The following RHBDD1 variants were observed in gnomAD, a reference collection of about 807,000 sequenced individuals.
RHBDD1 encodes the protein rhomboid domain containing 1, also known as rhomboid-related protein 4.
RHBDD1 carries 38 observed loss-of-function variants against 36.3 expected under a neutral mutation model. The ratio of observed to expected loss-of-function variants is 1.05; its 90% confidence interval spans 0.81 to 1.37. RHBDD1 has a LOEUF of 1.37. Among genes scored for constraint, RHBDD1 ranks in the 40% most tolerant of loss-of-function variants. The pLI is 0.00. For synonymous variants in RHBDD1, 151 were observed against 136.5 expected (o/e 1.11, Z -0.74); for missense variants, 393 against 377.6 (o/e 1.04, Z -0.34).
intron 5 of RHBDD1, among the ~76,000 whole-genome samples, chr2:226,868,706 C>T (rs956357568): frequency 3.9e-5 from 6 of 152,248 alleles, no homozygotes; most frequent in African/African-American, 7.2e-5. Flanking sequence ...TGTGTCAGCC[C>T]GGTAACTCCA....
At chr2:226,992,659 C>T (rs1958504647) in intron 8 of RHBDD1, among the ~76,000 whole-genome samples, 1 of 152,174 alleles carries the variant, frequency 6.6e-6, no homozygotes, top group Non-Finnish European at 1.5e-5. Flanking sequence ...TAGACTGGAA[C>T]TTCTTATTTT....
At chr2:226,908,757 A>G (rs1187449750) in intron 6 of RHBDD1, 65 bp from the exon 7 acceptor site, 2 of 1,066,276 alleles carry the variant, frequency 1.9e-6, no homozygotes, top group Non-Finnish European at 2.9e-6. Context: ...CTTTCTAATT[A>G]CTGGAACAAT....
At chr2:226,964,561 C>T (rs905892260) in intron 8 of RHBDD1, among the ~76,000 whole-genome samples, 3 of 152,174 alleles carry the variant, frequency 2.0e-5, no homozygotes, top group Admixed American at 2.0e-4. Context: ...TATTTATATG[C>T]TGGCAACTTC....
intron 8 of RHBDD1, among the ~76,000 whole-genome samples, chr2:226,922,585 T>G (rs933173468): frequency 6.6e-6 from 1 of 152,124 alleles, no homozygotes; most frequent in Non-Finnish European, 1.5e-5. Flanking sequence ...ATTCATTCTA[T>G]TCTGTGTCAT....
intron 8 of RHBDD1, among the ~76,000 whole-genome samples, chr2:226,935,729 G>A (rs571692355): frequency 6.2e-4 from 94 of 152,122 alleles, no homozygotes; most frequent in African/African-American, 2.2e-3. Flanking sequence ...AAAAGAGATG[G>A]GAGTTTTGGG....
At chr2:226,899,866 A>G (rs1947442927) in intron 5 of RHBDD1, among the ~76,000 whole-genome samples, 2 of 152,254 alleles carry the variant, frequency 1.3e-5, no homozygotes, top group African/African-American at 2.4e-5. Flanking sequence ...TTGCACCATT[A>G]CAGAAGCAAT....
intron 8 of RHBDD1, among the ~76,000 whole-genome samples, chr2:226,958,142 G>C (rs1469180925): frequency 2.0e-5 from 3 of 152,152 alleles, no homozygotes; most frequent in African/African-American, 7.2e-5. Flanking sequence ...CCCAAATGCT[G>C]ATCAAATTGA....
intron 8 of RHBDD1, among the ~76,000 whole-genome samples, chr2:226,971,688 C>A (rs1051584531): frequency 6.6e-6 from 1 of 152,150 alleles, no homozygotes; most frequent in Non-Finnish European, 1.5e-5. Context: ...TTGACAAAAT[C>A]AGAGAGGTGT....
Position 226,856,660 on chromosome 2 carries a change from C to T in RHBDD1, c.-90-7944C>T, listed in dbSNP as rs1262363456. Among the ~76,000 whole-genome samples, 3 of 151,990 alleles carry T rather than the reference C, an allele frequency of 2.0e-5. No individual in the cohort carries two copies. In the East Asian group the frequency reaches 5.8e-4, roughly 29 times the overall value. ...TCAGTTTATTCCTAGAGAAAGATGA[C>T]TATAATGAAACAAAATAAGAGAGAA... On this transcript the variant is annotated intron_variant, in intron 3 of 8. Coordinates refer to ENST00000392062, the MANE Select transcript of RHBDD1 (RefSeq NM_001167608.3).
intron 8 of RHBDD1, among the ~76,000 whole-genome samples, chr2:226,965,040 A>G (rs1053780182): frequency 6.6e-6 from 1 of 152,224 alleles, no homozygotes; most frequent in Non-Finnish European, 1.5e-5. Flanking sequence ...TCTGAAAGAT[A>G]TGACCACCCA....
chr2:226,900,517 A>G (rs1228913658), intron 5 of RHBDD1, among the ~76,000 whole-genome samples: 1 of 152,130 alleles, frequency 6.6e-6, no homozygotes, highest in Non-Finnish European at 1.5e-5. Flanking sequence ...AACAGAAGAA[A>G]TAAAGCTTTT....
chr2:226,885,795 G>A (rs752783858), intron 5 of RHBDD1, among the ~76,000 whole-genome samples: 2 of 152,132 alleles, frequency 1.3e-5, no homozygotes, highest in African/African-American at 2.4e-5. Flanking sequence ...CCTGTTATCT[G>A]CAGGAGATAC....
the RHBDD1 span, among the ~76,000 whole-genome samples, chr2:226,810,540 CA>C: frequency 0.038 from 1,277 of 33,810 alleles, 4 homozygotes; most frequent in African/African-American, 0.065. Flanking sequence ...GACTCCGTCT[CA>C]AAAAAAAAAA....
chr2:226,966,507 G>A (rs1952642758), intron 8 of RHBDD1, among the ~76,000 whole-genome samples: 1 of 152,218 alleles, frequency 6.6e-6, no homozygotes. Context: ...ATGGATAGTA[G>A]GAGGTGAGGA....
intron 4 of RHBDD1, among the ~76,000 whole-genome samples, chr2:226,865,919 C>T (rs1944286915): frequency 2.0e-5 from 3 of 152,162 alleles, no homozygotes; most frequent in Admixed American, 2.0e-4. Flanking sequence ...TCCTGCGATG[C>T]CTCTGGATGA....
chr2:226,837,307 G>C (rs1356595135), intron 1 of RHBDD1, among the ~76,000 whole-genome samples: 2 of 152,204 alleles, frequency 1.3e-5, no homozygotes, highest in African/African-American at 4.8e-5. Flanking sequence ...GTGCTGGAAG[G>C]ATTCTTCAGC....
chr2:226,835,155 C>G (rs1185302884), upstream of RHBDD1, among the ~76,000 whole-genome samples: 1 of 152,230 alleles, frequency 6.6e-6, no homozygotes, highest in African/African-American at 2.4e-5. Context: ...AAGCGATCCT[C>G]CTGCCTCGAC....
At chr2:226,954,988 C>T (rs1297324142) in intron 8 of RHBDD1, among the ~76,000 whole-genome samples, 9 of 151,676 alleles carry the variant, frequency 5.9e-5, no homozygotes, top group South Asian at 4.2e-4. Flanking sequence ...CCTACAGTAT[C>T]GAGGTGGGGG....
chr2:226,845,741 T>A (rs1942141336), intron 3 of RHBDD1, among the ~76,000 whole-genome samples: 1 of 152,272 alleles, frequency 6.6e-6, no homozygotes, highest in Non-Finnish European at 1.5e-5. Flanking sequence ...GCCTTTCGTG[T>A]TAAATTCAGC....
Sources: allele counts gnomAD v4.1 joint callset (sites outside exome capture counted in the v4.1 genomes callset), GRCh38; gene constraint gnomAD v4.1.1; transcripts MANE v1.5; gene names NCBI Gene and HGNC (gene_info 2026-07-23, HGNC 2026-07-21).